PARD3: variants seen among roughly 807,000 people sequenced by gnomAD.
PARD3 encodes par-3 family cell polarity regulator, also known as partitioning defective 3 homolog.
In PARD3, 75 loss-of-function variants were observed where a neutral mutation model predicts 155.4. The observed-to-expected ratio is 0.48, with a 90% CI of 0.40 to 0.58. The LOEUF is 0.58. Ranked by LOEUF, PARD3 falls within the 20% of genes least tolerant of loss-of-function variation. The probability of loss-of-function intolerance (pLI) is 0.00; values close to 1 mark genes in which losing one functional copy is unlikely to be tolerated. For synonymous variants in PARD3, 576 were observed against 610.5 expected (o/e 0.94, Z 0.83); for missense variants, 1,642 against 1,721.7 (o/e 0.95, Z 0.82).
chr10:34,223,663 G>C (rs1393158180), intron 22 of PARD3, among the ~76,000 whole-genome samples: 2 of 152,196 alleles, frequency 1.3e-5, no homozygotes, highest in African/African-American at 4.8e-5. Flanking sequence ...GAAATTGTAT[G>C]GGCTTAGCAT....
At chr10:34,499,749 C>T (rs1564783529) in intron 3 of PARD3, among the ~76,000 whole-genome samples, 1 of 152,184 alleles carries the variant, frequency 6.6e-6, no homozygotes, top group South Asian at 2.1e-4. Flanking sequence ...CTTTTGATGT[C>T]ACTGCTAGTT....
chr10:34,505,210 C>T (rs1333350712), intron 3 of PARD3, among the ~76,000 whole-genome samples: 1 of 152,138 alleles, frequency 6.6e-6, no homozygotes, highest in Non-Finnish European at 1.5e-5. Flanking sequence ...GCTACATTCC[C>T]ATTACAAATT....
At chr10:34,170,851 C>T (rs1795246220) in intron 22 of PARD3, among the ~76,000 whole-genome samples, 2 of 152,182 alleles carry the variant, frequency 1.3e-5, no homozygotes, top group African/African-American at 4.8e-5. Flanking sequence ...TAAGTAAGAC[C>T]TTCAGCCTTG....
At chr10:34,769,107 C>A (rs1455464746) in intron 1 of PARD3, among the ~76,000 whole-genome samples, 6 of 152,222 alleles carry the variant, frequency 3.9e-5, no homozygotes, top group Non-Finnish European at 8.8e-5. Flanking sequence ...CAAACCTTCA[C>A]CCTCCACATA....
At chr10:34,317,025 G>T in intron 20 of PARD3, 82 bp downstream of exon 20, 2 of 1,308,152 alleles carry the variant, frequency 1.5e-6, no homozygotes, top group Non-Finnish European at 2.1e-6. Context: ...GTGCACTACC[G>T]TGTCCAGTTT....
chr10:34,331,188 C>T lies in PARD3; in HGVS notation c.2762G>A (p.Ser921Asn), dbSNP rs776246426. Reference sequence around the variant, plus strand: ...AGATTTGTCGATGGCAGCTCTGAAGCTCTCATTGCATCCCCTGCCTCTGAT... The same window carrying T: ...AGATTTGTCGATGGCAGCTCTGAAGTTCTCATTGCATCCCCTGCCTCTGAT... ...RIIRGRGCNE[S>N]FRAAIDKSYD... Residue 921 changes from serine (S) to asparagine (N), a missense_variant, in exon 19 of 25, where the codon AGC becomes AAC. By Grantham distance (46) the Ser-to-Asn change is conservative. This residue lies in a region of PARD3 where 1,529 missense variants were observed against 1,587.3 expected (regional missense o/e 0.96). Coordinates refer to ENST00000374788, the MANE Select transcript of PARD3 (RefSeq NM_001184785.2). 1.9e-6 allele frequency: 3 copies of T among 1,614,070 alleles called. No homozygotes were observed. The highest frequency in any genetic ancestry group is 1.7e-6 in the Non-Finnish European group (2 of 1,179,996).
chr10:34,627,963 G>T (rs1178578101), intron 2 of PARD3, among the ~76,000 whole-genome samples: 1 of 152,104 alleles, frequency 6.6e-6, no homozygotes, highest in East Asian at 1.9e-4. Flanking sequence ...AGCCCTCTTG[G>T]TGGACAGAGT....
intron 2 of PARD3, among the ~76,000 whole-genome samples, chr10:34,623,380 T>G (rs2091805914): frequency 6.6e-6 from 1 of 152,214 alleles, no homozygotes; most frequent in East Asian, 1.9e-4. Context: ...AATGGGAATT[T>G]TCTACGAATC....
chr10:34,206,571 T>A (rs1343960648), intron 22 of PARD3, among the ~76,000 whole-genome samples: 1 of 152,178 alleles, frequency 6.6e-6, no homozygotes, highest in African/African-American at 2.4e-5. Context: ...GGACGCAGTG[T>A]TGCATCTCCC....
intron 14 of PARD3, among the ~76,000 whole-genome samples, chr10:34,352,795 C>T (rs937619136): frequency 6.6e-6 from 1 of 152,202 alleles, no homozygotes; most frequent in African/African-American, 2.4e-5. Context: ...AGCCTCTCTG[C>T]CTGGTCGCCC....
intron 19 of PARD3, among the ~76,000 whole-genome samples, chr10:34,329,158 C>A (rs991560421): frequency 2.0e-5 from 3 of 152,020 alleles, no homozygotes; most frequent in African/African-American, 7.3e-5. Flanking sequence ...AATCAGATGT[C>A]CATGTTGGTG....
chr10:34,619,269 C>T (rs1005895984), intron 2 of PARD3, among the ~76,000 whole-genome samples: 5 of 151,922 alleles, frequency 3.3e-5, no homozygotes, highest in Non-Finnish European at 7.4e-5. Flanking sequence ...AGGCTGGTCT[C>T]GAACTGCTGA....
At chr10:34,327,986 G>A (rs932519175) in intron 19 of PARD3, among the ~76,000 whole-genome samples, 2 of 152,114 alleles carry the variant, frequency 1.3e-5, no homozygotes, top group African/African-American at 2.4e-5. Flanking sequence ...CAGAGACTCC[G>A]CTGTGCAGGT....
intron 2 of PARD3, among the ~76,000 whole-genome samples, chr10:34,589,798 T>C (rs886233793): frequency 5.9e-5 from 9 of 152,160 alleles, no homozygotes; most frequent in African/African-American, 1.9e-4. Flanking sequence ...GTTGCATTTT[T>C]AGAATTCTCC....
chr10:34,343,642 T>TA (rs1182547190), intron 15 of PARD3: 12 of 985,246 alleles, frequency 1.2e-5, no homozygotes, highest in Non-Finnish European at 1.4e-5. Flanking sequence ...AATGGACAGC[T>TA]AAAAAACTTT....
chr10:34,252,040 G>C (rs1954341971), intron 22 of PARD3, among the ~76,000 whole-genome samples: 1 of 152,164 alleles, frequency 6.6e-6, no homozygotes, highest in Admixed American at 6.5e-5. Flanking sequence ...CATTTTTAAA[G>C]TGCATTTATG....
intron 2 of PARD3, among the ~76,000 whole-genome samples, chr10:34,535,102 C>CA (rs745734082): frequency 3.9e-5 from 6 of 152,058 alleles, no homozygotes; most frequent in Non-Finnish European, 8.8e-5. Context: ...TTAAGTGCAA[C>CA]AAAAAAATTA....
intron 2 of PARD3, among the ~76,000 whole-genome samples, chr10:34,620,671 A>G (rs2091610920): frequency 6.6e-6 from 1 of 152,222 alleles, no homozygotes; most frequent in Non-Finnish European, 1.5e-5. Flanking sequence ...ACAGATAAAT[A>G]GATAAAAAGC....
rs1243187196 is a variant in PARD3 at position 34,447,494 on chromosome 10, A to C, written c.714+2823T>G. ...AGACTGCGTCTCAAAAAAAAAAAAA[A>C]AAAAAAAAAAAAAAAAAAAAAAAAA... On this transcript the variant is annotated intron_variant, in intron 5 of 24. Coordinates refer to ENST00000374788, the MANE Select transcript of PARD3 (RefSeq NM_001184785.2). Among the ~76,000 whole-genome samples, 12 of 45,490 alleles carry C rather than the reference A, an allele frequency of 2.6e-4. No homozygotes were observed. The South Asian group carries it at 2.9e-3, about 11-fold the overall frequency. The allele number at this position is 45,490 out of a possible 152,430, so 29.8% of individuals were successfully genotyped here. A position where few individuals can be genotyped will look rare whatever the true frequency, so the allele number is the denominator to read the frequency against.
Sources: gnomAD v4.1 joint callset for allele counts (sites outside exome capture counted in the v4.1 genomes callset) on GRCh38, gnomAD v4.1.1 for gene constraint, gnomAD v4.1.1 regional missense constraint, MANE v1.5 for transcripts, NCBI Gene and HGNC (gene_info 2026-07-23, HGNC 2026-07-21) for gene names.